EGFLAM: variants seen among roughly 807,000 people sequenced by gnomAD.
The protein encoded by EGFLAM is pikachurin.
Under a neutral mutation model 113.1 loss-of-function variants are expected in EGFLAM, and 79 were observed. That is an observed-to-expected ratio of 0.70 (90% CI 0.58 to 0.84). The LOEUF (loss-of-function observed/expected upper bound fraction) is 0.84, where lower values mean the gene tolerates loss of function less well. EGFLAM is among the 40% of genes least tolerant of loss of function. EGFLAM has a pLI of 0.00. For synonymous variants in EGFLAM, 504 were observed against 487.6 expected (o/e 1.03, Z -0.44); for missense variants, 1,265 against 1,291.6 (o/e 0.98, Z 0.32).
chr5:38,318,868 G>C (rs377098960), intron 1 of EGFLAM, among the ~76,000 whole-genome samples: 1 of 151,966 alleles, frequency 6.6e-6, no homozygotes, highest in Non-Finnish European at 1.5e-5. Context: ...ACAATAACTC[G>C]AAAAAGCCAC....
chr5:38,330,881 T>G (rs1052296123), intron 1 of EGFLAM, among the ~76,000 whole-genome samples: 17 of 152,136 alleles, frequency 1.1e-4, no homozygotes, highest in Admixed American at 1.1e-3. Flanking sequence ...CAGTACTGGA[T>G]AATTACACAG....
chr5:38,412,426 G>T, intron 10 of EGFLAM, 78 bp from the exon 11 acceptor site: 1 of 1,607,436 alleles, frequency 6.2e-7, no homozygotes, highest in Non-Finnish European at 8.5e-7. Flanking sequence ...TGTTGACCTG[G>T]AAGTGACGTC....
chr5:38,347,426 C>T (rs2561118), intron 3 of EGFLAM, among the ~76,000 whole-genome samples: 9,631 of 152,136 alleles, frequency 0.063, 369 homozygotes, highest in East Asian at 0.095. Context: ...ACAAGGTGAG[C>T]ATTGCTCAGA....
chr5:38,452,995 A>G (rs2731967), intron 19 of EGFLAM, among the ~76,000 whole-genome samples: 3,189 of 152,288 alleles, frequency 0.021, 115 homozygotes, highest in African/African-American at 0.074. Flanking sequence ...GTCATGGCAC[A>G]TCCTCACATG....
At chr5:38,437,827 T>C (rs986909635) in intron 16 of EGFLAM, among the ~76,000 whole-genome samples, 3 of 152,078 alleles carry the variant, frequency 2.0e-5, no homozygotes, top group African/African-American at 7.2e-5. Flanking sequence ...GACAAGACTA[T>C]GAAAGTAGAA....
intron 12 of EGFLAM, among the ~76,000 whole-genome samples, chr5:38,421,133 C>T (rs536993044): frequency 6.6e-6 from 1 of 152,296 alleles, no homozygotes; most frequent in South Asian, 2.1e-4. Flanking sequence ...TCATTGCCAT[C>T]TTCAACTGTG....
intron 6 of EGFLAM, among the ~76,000 whole-genome samples, chr5:38,391,255 T>C (rs1740801724): frequency 6.6e-6 from 1 of 152,224 alleles, no homozygotes. Flanking sequence ...CCCCTATTAA[T>C]TCGTAATGAC....
At position 38,370,461 on chromosome 5, in the gene EGFLAM, C is replaced by G; in HGVS notation, c.711C>G (p.Leu237=). The G allele has an allele frequency of 6.2e-7, 1 of 1,613,672 alleles. No individual in the cohort carries two copies. Among genetic ancestry groups the G allele is most frequent in the Non-Finnish European group, 8.5e-7 (1 of 1,179,782 alleles). The change falls in exon 6 of 22, where the codon CTC becomes CTG. Residue 237 remains leucine (L), a splice_region_variant and synonymous_variant. Coordinates refer to ENST00000322350, the MANE Select transcript of EGFLAM (RefSeq NM_152403.4). ...GGCCCAGTGACATCATCCGGACCCT[C>G]TGTGAGTACCAGGGTCCTTCTGAGG... ...RSWPSDIIRT[L]CPEEAGSGRY...
intron 1 of EGFLAM, among the ~76,000 whole-genome samples, chr5:38,281,211 A>T (rs1339205141): frequency 1.3e-5 from 2 of 152,186 alleles, no homozygotes; most frequent in Non-Finnish European, 2.9e-5. Flanking sequence ...CTTTTACCAC[A>T]AATATTTTTA....
intron 1 of EGFLAM, among the ~76,000 whole-genome samples, chr5:38,295,090 G>A (rs951204564): frequency 9.9e-5 from 15 of 152,168 alleles, no homozygotes; most frequent in Admixed American, 8.5e-4. Context: ...GCCTCCCAAC[G>A]TGCTGGGAAT....
intron 1 of EGFLAM, among the ~76,000 whole-genome samples, chr5:38,314,270 T>C (rs1198065780): frequency 1.3e-5 from 2 of 152,242 alleles, no homozygotes; most frequent in Non-Finnish European, 2.9e-5. Flanking sequence ...ATCCAAGATG[T>C]CTTTTTTATC....
chr5:38,268,612 C>T (rs898503927), intron 1 of EGFLAM, among the ~76,000 whole-genome samples: 5 of 152,276 alleles, frequency 3.3e-5, no homozygotes, highest in African/African-American at 9.6e-5. Flanking sequence ...TGATAATTTT[C>T]GTGGCTTCTT....
intron 1 of EGFLAM, among the ~76,000 whole-genome samples, chr5:38,308,835 G>A (rs1319539423): frequency 6.6e-6 from 1 of 152,182 alleles, no homozygotes; most frequent in Non-Finnish European, 1.5e-5. Flanking sequence ...GCCCTGGTTT[G>A]CATATCACCT....
chr5:38,351,963 C>G (rs939267235), intron 4 of EGFLAM, among the ~76,000 whole-genome samples: 2 of 152,164 alleles, frequency 1.3e-5, no homozygotes, highest in African/African-American at 2.4e-5. Context: ...GAGACCAGCT[C>G]TCATTGACTC....
At chr5:38,378,057 A>G (rs932297361) in intron 6 of EGFLAM, among the ~76,000 whole-genome samples, 7 of 152,292 alleles carry the variant, frequency 4.6e-5, no homozygotes, top group Middle Eastern at 6.8e-3. Flanking sequence ...TTTTTGCCAT[A>G]CTGTTCTCTC....
chr5:38,428,006 C>G (rs905151113), intron 14 of EGFLAM, among the ~76,000 whole-genome samples: 1 of 152,144 alleles, frequency 6.6e-6, no homozygotes, highest in African/African-American at 2.4e-5. Context: ...GTTTATGTCT[C>G]CCATCTTTTT....
At chr5:38,292,907 C>T (rs2111799442) in intron 1 of EGFLAM, among the ~76,000 whole-genome samples, 1 of 152,300 alleles carries the variant, frequency 6.6e-6, no homozygotes, top group South Asian at 2.1e-4. Context: ...AAAAAATTTC[C>T]TGCTCTGTCT....
chr5:38,358,098 T>C (rs1739811646), intron 5 of EGFLAM, among the ~76,000 whole-genome samples: 1 of 150,318 alleles, frequency 6.7e-6, no homozygotes, highest in Non-Finnish European at 1.5e-5. Flanking sequence ...CAATGAGCTA[T>C]AATTGTGCCA....
chr5:38,398,583 G>C (rs137946244), intron 6 of EGFLAM, among the ~76,000 whole-genome samples: 1 of 152,318 alleles, frequency 6.6e-6, no homozygotes, highest in African/African-American at 2.4e-5. Flanking sequence ...TCTAAGCATA[G>C]AGAACAGCAT....
Sources: gnomAD v4.1 joint callset for allele counts (sites outside exome capture counted in the v4.1 genomes callset) on GRCh38, gnomAD v4.1.1 for gene constraint, MANE v1.5 for transcripts, NCBI Gene and HGNC (gene_info 2026-07-23, HGNC 2026-07-21) for gene names.